The following MUSK variants were observed in gnomAD, a reference collection of about 807,000 sequenced individuals.
MUSK encodes muscle associated receptor tyrosine kinase.
In MUSK, 55 loss-of-function variants were observed where a neutral mutation model predicts 88.7. The ratio of observed to expected loss-of-function variants is 0.62; its 90% CI spans 0.50 to 0.78. MUSK has a LOEUF of 0.78. MUSK is among the 30% of genes least tolerant of loss of function. The pLI, the probability that MUSK is intolerant of heterozygous loss-of-function variation, is 0.00. For synonymous variants in MUSK, 387 were observed against 391.9 expected, an observed-to-expected ratio of 0.99 and a Z score of 0.15; for missense variants, 1,015 against 1,074.3, an observed-to-expected ratio of 0.94 and a Z score of 0.77.
chr9:110,774,939 A>G lies in MUSK; in HGVS notation c.1185-849A>G, dbSNP rs558476051. 5.1e-4 allele frequency among the ~76,000 whole-genome samples: 77 copies of G among 152,260 alleles called. 1 individual carries two copies. Among genetic ancestry groups the G allele is most frequent in the Non-Finnish European group, 9.0e-4 (61 of 68,014 alleles). ...GAATCCTTCAGATACTGAATAAAGGACATCTGCTATTATTATGTTTAATTT... is the reference window on the plus strand; with the variant it reads ...GAATCCTTCAGATACTGAATAAAGGGCATCTGCTATTATTATGTTTAATTT... On this transcript the variant is annotated intron_variant, in intron 9 of 14. Coordinates refer to ENST00000374448, the MANE Select transcript of MUSK (RefSeq NM_005592.4).
chr9:110,726,494 G>GCAGCA (rs2076885813), intron 5 of MUSK, among the ~76,000 whole-genome samples: 1 of 152,040 alleles, frequency 6.6e-6, no homozygotes, highest in Admixed American at 6.6e-5. Context: ...ACTCAGAATT[G>GCAGCA]ACCTGCAGTT....
chr9:110,704,024 CAA>C (rs2076564199), intron 5 of MUSK, among the ~76,000 whole-genome samples: 1 of 152,104 alleles, frequency 6.6e-6, no homozygotes, highest in African/African-American at 2.4e-5. Flanking sequence ...ATTAGGATAA[CAA>C]TAGAGTGTGG....
At chr9:110,765,892 G>A (rs2077475519) in intron 8 of MUSK, among the ~76,000 whole-genome samples, 1 of 151,974 alleles carries the variant, frequency 6.6e-6, no homozygotes, top group Admixed American at 6.6e-5. Context: ...CCATTTTTAT[G>A]CTTAGGTTCA....
At chr9:110,784,665 A>G (rs1345414526) in intron 11 of MUSK, 150 bp from the exon 12 acceptor site, 1 of 572,620 alleles carries the variant, frequency 1.7e-6, no homozygotes, top group African/African-American at 1.9e-5. Context: ...TTACAACTAG[A>G]CCTTACTGAA....
chr9:110,770,438 C>A, intron 9 of MUSK, among the ~76,000 whole-genome samples: 1 of 143,786 alleles, frequency 7.0e-6, no homozygotes, highest in African/African-American at 2.5e-5. Context: ...ATATAATTTA[C>A]AATTATATAT....
chr9:110,789,506 C>T (rs2077935848), intron 14 of MUSK, among the ~76,000 whole-genome samples: 1 of 152,172 alleles, frequency 6.6e-6, no homozygotes, highest in South Asian at 2.1e-4. Flanking sequence ...TGTCCAGGCA[C>T]TGTGGCTCAC....
Position 110,688,029 on chromosome 9 carries a change from A to G in MUSK, c.358+761A>G, listed in dbSNP as rs147897019. 1.5e-3 allele frequency among the ~76,000 whole-genome samples: 229 copies of G among 152,226 alleles called. 2 individuals carry two copies. The highest frequency in any genetic ancestry group is 4.1e-3 in the East Asian group (21 of 5,178). ...GTTCTATTTTCTCCACTTCATGTCT[A>G]CAAGACTGCCAAACACTAGTAGGTA... On this transcript the variant is annotated intron_variant, in intron 3 of 14. Transcript: ENST00000374448.
At chr9:110,752,882 C>T (rs1272676496) in intron 7 of MUSK, among the ~76,000 whole-genome samples, 5 of 152,120 alleles carry the variant, frequency 3.3e-5, no homozygotes, top group Non-Finnish European at 7.4e-5. Flanking sequence ...TACTGTTAGT[C>T]ATCAAAAGGA....
rs767315415 is a variant in MUSK, at chr9:110,803,425, C to G, written c.*2437C>G. 6.6e-6 allele frequency among the ~76,000 whole-genome samples: 1 copy of G among 152,226 alleles called. No individual in the cohort carries two copies. Among genetic ancestry groups the G allele is most frequent in the African/African-American group, 2.4e-5 (1 of 41,460 alleles). ...CAACAGTCACAGAGAGATTGTGCAA[C>G]TGGCCCGAGTGCACACAGCAACAGA... On this transcript the variant is annotated 3_prime_UTR_variant, in exon 15 of 15. Coordinates refer to ENST00000374448, the MANE Select transcript of MUSK (RefSeq NM_005592.4).
chr9:110,780,448 C>A (rs1260341141), intron 11 of MUSK, among the ~76,000 whole-genome samples: 2 of 152,344 alleles, frequency 1.3e-5, no homozygotes, highest in African/African-American at 4.8e-5. Flanking sequence ...CAAGACTCCA[C>A]CCATCACAGC....
chr9:110,781,366 T>G (rs970022993), intron 11 of MUSK, among the ~76,000 whole-genome samples: 5 of 152,148 alleles, frequency 3.3e-5, no homozygotes, highest in African/African-American at 1.2e-4. Context: ...AAGCTCCGCC[T>G]CCCGGGTTCA....
chr9:110,699,769 A>C (rs1488649366), intron 5 of MUSK, among the ~76,000 whole-genome samples: 1 of 152,208 alleles, frequency 6.6e-6, no homozygotes, highest in Non-Finnish European at 1.5e-5. Context: ...TGTATGTATC[A>C]AGTCGTAACT....
At chr9:110,698,373 T>C (rs2076459852) in intron 5 of MUSK, among the ~76,000 whole-genome samples, 1 of 152,214 alleles carries the variant, frequency 6.6e-6, no homozygotes, top group South Asian at 2.1e-4. Flanking sequence ...TTTCTGCTTT[T>C]CTCTTATCTG....
In MUSK at chr9:110,697,322, C is replaced by G. The variant is rs1199622881; in HGVS notation, c.487-3C>G. ...TTTGAATTCACGTCCCTATCTCTGGCAGGAAAATTCCCGAATTGCAGTTCT... is the reference window on the plus strand; with the variant it reads ...TTTGAATTCACGTCCCTATCTCTGGGAGGAAAATTCCCGAATTGCAGTTCT... On this transcript the variant is annotated splice_region_variant and splice_polypyrimidine_tract_variant and intron_variant, in intron 4 of 14. Transcript: ENST00000374448. The G allele has an allele frequency of 6.2e-7, 1 of 1,612,074 alleles. No individual in the cohort carries two copies. The highest frequency in any genetic ancestry group is 1.3e-5 in the African/African-American group (1 of 74,860).
intron 5 of MUSK, among the ~76,000 whole-genome samples, chr9:110,702,239 C>A (rs1036618626): frequency 6.6e-6 from 1 of 151,916 alleles, no homozygotes; most frequent in Non-Finnish European, 1.5e-5. Flanking sequence ...ACTGCAAAAA[C>A]CATAAGCTCA....
intron 7 of MUSK, among the ~76,000 whole-genome samples, chr9:110,756,192 G>A (rs2077322132): frequency 6.6e-6 from 1 of 151,628 alleles, no homozygotes; most frequent in Non-Finnish European, 1.5e-5. Flanking sequence ...TCTATTGCAG[G>A]TGGTACCTGA....
At position 110,727,226 on chromosome 9, in the gene MUSK, T is replaced by C. The variant is rs186267742; in HGVS notation, c.629-7025T>C. ...AGAATCTAAATGAGGAATCACAAAT[T>C]CACTTAAATGTAAGGGGATTGGGTG... On this transcript the variant is annotated intron_variant, in intron 5 of 14. Coordinates refer to ENST00000374448, the MANE Select transcript of MUSK (RefSeq NM_005592.4). Among the ~76,000 whole-genome samples the C allele has an allele frequency of 2.3e-3, 350 of 152,068 alleles. 1 individual carries two copies. Among genetic ancestry groups the C allele is most frequent in the Admixed American group, 8.1e-3 (123 of 15,260 alleles).
At chr9:110,721,605 A>G (rs1207908573) in intron 5 of MUSK, among the ~76,000 whole-genome samples, 1 of 152,202 alleles carries the variant, frequency 6.6e-6, no homozygotes, top group Non-Finnish European at 1.5e-5. Flanking sequence ...GCACAAAGAA[A>G]TGGAAACACA....
intron 7 of MUSK, among the ~76,000 whole-genome samples, chr9:110,760,936 C>A (rs377262297): frequency 3.0e-4 from 46 of 152,228 alleles, no homozygotes; most frequent in African/African-American, 1.1e-3. Flanking sequence ...CAAAATAACA[C>A]CCAAATGGAT....
Sources: allele counts gnomAD v4.1 joint callset (sites outside exome capture counted in the v4.1 genomes callset), GRCh38; gene constraint gnomAD v4.1.1; transcripts MANE v1.5; gene names NCBI Gene and HGNC (gene_info 2026-07-23, HGNC 2026-07-21).